Variants in KIAA0753 observed in about 807,000 individuals in gnomAD.
KIAA0753 encodes the protein protein moonraker.
A neutral mutation model predicts 116.9 loss-of-function variants in KIAA0753; 114 were observed. That is an observed-to-expected ratio of 0.98 (90% CI 0.84 to 1.14). The LOEUF is 1.14. Among genes scored for constraint, KIAA0753 ranks in the 50% most tolerant of loss-of-function variants. The pLI, the probability that KIAA0753 is intolerant of heterozygous loss-of-function variation, is 0.00. For missense variants in KIAA0753, 1,156 were observed against 1,172.4 expected, an observed-to-expected ratio of 0.99 and a Z score of 0.20; for synonymous variants, 405 against 413.1, an observed-to-expected ratio of 0.98 and a Z score of 0.24.
intron 2 of KIAA0753, among the ~76,000 whole-genome samples, chr17:6,630,500 G>A (rs1052397442): frequency 1.3e-5 from 2 of 151,802 alleles, no homozygotes; most frequent in African/African-American, 4.8e-5. Flanking sequence ...AGAAAGAAAA[G>A]ACACTTGAAA....
chr17:6,580,759 C>A (rs1220961414), intron 18 of KIAA0753, among the ~76,000 whole-genome samples: 2 of 152,094 alleles, frequency 1.3e-5, no homozygotes, highest in Non-Finnish European at 2.9e-5. Context: ...GTGTTTGAAA[C>A]CAGAGGCGAC....
chr17:6,592,501 T>A (rs1234234547), intron 16 of KIAA0753, among the ~76,000 whole-genome samples: 1 of 152,162 alleles, frequency 6.6e-6, no homozygotes, highest in Non-Finnish European at 1.5e-5. Flanking sequence ...GCCAAAGTGG[T>A]GACAGTAACC....
intron 6 of KIAA0753, among the ~76,000 whole-genome samples, chr17:6,621,924 C>T (rs1322805700): frequency 1.3e-5 from 2 of 152,120 alleles, no homozygotes; most frequent in Non-Finnish European, 2.9e-5. Context: ...TCTATATACA[C>T]GAATGTAACC....
At position 6,624,815 on chromosome 17, in the gene KIAA0753, A is replaced by G. The variant is rs2150895272; in HGVS notation, c.765T>C (p.Arg255=). The G allele has an allele frequency of 6.4e-7, 1 of 1,563,232 alleles. No homozygotes were observed. Among genetic ancestry groups the G allele is most frequent in the Non-Finnish European group, 8.7e-7 (1 of 1,151,764 alleles). ...ALDPDEERRI[R]IRRQEQAARS... ...GAGCAGCTTGCTCCTGTCTCCTGATACGGATTCGACGTTCTTCATCTGGAT... is the reference window on the plus strand; with the variant it reads ...GAGCAGCTTGCTCCTGTCTCCTGATGCGGATTCGACGTTCTTCATCTGGAT... Residue 255 remains arginine (R), a synonymous_variant, in exon 4 of 19, where the codon CGT becomes CGC. Transcript: ENST00000361413.
rs368169610 is a variant in KIAA0753, at chr17:6,612,111, C to T, written c.1353G>A (p.Gln451=). 98 of 1,614,046 alleles carry T rather than the reference C, an allele frequency of 6.1e-5. No homozygotes were observed. The highest frequency in any genetic ancestry group is 8.1e-5 in the Non-Finnish European group (95 of 1,179,996). ...YQPDTELPET[Q]RLQSELDVLD... ...ATACATCAAGCTCACTCTGCAACCT[C>T]TGGGTCTCCGGAAGCTCCGTATCGG... is the stretch of plus-strand genomic sequence containing the variant. The change falls in exon 8 of 19, where the codon CAG becomes CAA. Residue 451 remains glutamine, a synonymous_variant. Coordinates refer to ENST00000361413, the MANE Select transcript of KIAA0753 (RefSeq NM_014804.3).
Position 6,578,831 on chromosome 17 carries a change from G to A in KIAA0753, c.*916C>T, listed in dbSNP as rs1409467890. On this transcript the variant is annotated 3_prime_UTR_variant, in exon 19 of 19. Coordinates refer to ENST00000361413, the MANE Select transcript of KIAA0753 (RefSeq NM_014804.3). ...AAACATGATCTGTAAGATGTTGGAG[G>A]ACCAGGCTATGATGGTTCTTAAGTT... The A allele has an allele frequency of 2.6e-5, 4 of 152,024 alleles. No homozygotes were observed. Among genetic ancestry groups the A allele is most frequent in the African/African-American group, 9.6e-5 (4 of 41,572 alleles). The allele number at this position is 152,024 out of a possible 1,614,324, so 9.4% of individuals were successfully genotyped here.
At chr17:6,622,790 G>T in intron 6 of KIAA0753, 92 bp downstream of exon 6, 1 of 1,096,670 alleles carries the variant, frequency 9.1e-7, no homozygotes, top group Non-Finnish European at 1.4e-6. Flanking sequence ...TAATGGCTTT[G>T]TCTTGTATTC....
At chr17:6,612,670 C>A (rs1809096885) in intron 7 of KIAA0753, among the ~76,000 whole-genome samples, 1 of 152,174 alleles carries the variant, frequency 6.6e-6, no homozygotes, top group Non-Finnish European at 1.5e-5. Flanking sequence ...GAGTTCGAGG[C>A]CAGCCTGGCC....
chr17:6,585,444 C>T (rs539136231), intron 18 of KIAA0753, among the ~76,000 whole-genome samples: 83 of 152,328 alleles, frequency 5.4e-4, no homozygotes, highest in African/African-American at 1.9e-3. Flanking sequence ...TTTCTTATAG[C>T]ATTTCTCTGA....
chr17:6,616,936 C>T (rs1188746376), intron 7 of KIAA0753, among the ~76,000 whole-genome samples: 1 of 152,206 alleles, frequency 6.6e-6, no homozygotes, highest in Non-Finnish European at 1.5e-5. Flanking sequence ...CCCCCTTTGC[C>T]TCCCAGCTTT....
chr17:6,606,405 T>C (rs975468492), intron 12 of KIAA0753, among the ~76,000 whole-genome samples: 4 of 152,246 alleles, frequency 2.6e-5, no homozygotes, highest in Admixed American at 6.5e-5. Context: ...TTTATGTCTA[T>C]AGTGCCTATA....
At chr17:6,612,753 A>G (rs1457089408) in intron 7 of KIAA0753, among the ~76,000 whole-genome samples, 3 of 152,178 alleles carry the variant, frequency 2.0e-5, no homozygotes, top group Non-Finnish European at 4.4e-5. Flanking sequence ...CTATAATCCC[A>G]GCTACTCAGG....
At chr17:6,591,979 G>A (rs1969103169) in intron 16 of KIAA0753, among the ~76,000 whole-genome samples, 1 of 152,270 alleles carries the variant, frequency 6.6e-6, no homozygotes, top group Admixed American at 6.5e-5. Context: ...CACATGGTAG[G>A]ACATGCCAGA....
In KIAA0753 at chr17:6,620,917, T is replaced by C. The variant is rs1162975129; in HGVS notation, c.1186A>G (p.Ile396Val). The C allele has an allele frequency of 6.2e-7, 1 of 1,614,172 alleles. No individual in the cohort carries two copies. The highest frequency in any genetic ancestry group is 2.2e-5 in the East Asian group (1 of 44,888). ...CFSEIRSRFPIGSQKALERWP... is the reference protein window; with the variant it reads ...CFSEIRSRFPVGSQKALERWP... Reference sequence around the variant, plus strand: ...CTCTCCAAGGCCTTTTGGCTACCGATAGGAAATCTGCTCCGAATTTCACTG... The same window carrying C: ...CTCTCCAAGGCCTTTTGGCTACCGACAGGAAATCTGCTCCGAATTTCACTG... The change falls in exon 7 of 19, where the codon ATC (isoleucine) becomes GTC (valine). Residue 396 changes from isoleucine to valine, a missense_variant. Transcript: ENST00000361413.
At chr17:6,593,557 C>T (rs1969243397) in intron 16 of KIAA0753, among the ~76,000 whole-genome samples, 1 of 150,944 alleles carries the variant, frequency 6.6e-6, no homozygotes, top group African/African-American at 2.4e-5. Flanking sequence ...CCCAGCACTT[C>T]AGGAGGCAGG....
chr17:6,595,854 C>T (rs765084677), intron 15 of KIAA0753, among the ~76,000 whole-genome samples: 2 of 152,196 alleles, frequency 1.3e-5, no homozygotes, highest in Admixed American at 6.5e-5. Flanking sequence ...TGGGCCCAGG[C>T]CCTGGTCTCA....
chr17:6,631,081 C>T (rs1415882206), intron 2 of KIAA0753, among the ~76,000 whole-genome samples: 3 of 150,464 alleles, frequency 2.0e-5, no homozygotes. Context: ...ACACGAGAGA[C>T]AGGAAGAAAG....
At chr17:6,613,393 T>A (rs569502003) in intron 7 of KIAA0753, among the ~76,000 whole-genome samples, 1 of 152,208 alleles carries the variant, frequency 6.6e-6, no homozygotes, top group Admixed American at 6.6e-5. Context: ...CCCTAACAGA[T>A]TTTTTTTCAA....
chr17:6,633,180 T>C (rs559288332), intron 2 of KIAA0753, among the ~76,000 whole-genome samples: 2 of 152,314 alleles, frequency 1.3e-5, no homozygotes, highest in Admixed American at 6.5e-5. Flanking sequence ...TGTGTGTGTA[T>C]AGAGATAGTG....
Sources: gnomAD v4.1 joint callset for allele counts (sites outside exome capture counted in the v4.1 genomes callset) on GRCh38, gnomAD v4.1.1 for gene constraint, MANE v1.5 for transcripts, NCBI Gene and HGNC (gene_info 2026-07-23, HGNC 2026-07-21) for gene names.